DNAJC1: variants seen among roughly 807,000 people sequenced by gnomAD.
DNAJC1 encodes the protein dnaJ homolog subfamily C member 1.
Under a neutral mutation model 76.6 loss-of-function variants are expected in DNAJC1, and 58 were observed. That is an observed-to-expected ratio of 0.76 (90% CI 0.61 to 0.94). The LOEUF (loss-of-function observed/expected upper bound fraction) is 0.94. Among genes scored for constraint, DNAJC1 ranks in the 40% least tolerant of loss-of-function variants. The pLI is 0.00. For missense variants in DNAJC1, 689 were observed against 677.3 expected, an observed-to-expected ratio of 1.02 and a Z score of -0.19; for synonymous variants, 258 against 267.9, an observed-to-expected ratio of 0.96 and a Z score of 0.36.
chr10:21,779,366 T>A (rs542569105), intron 9 of DNAJC1, among the ~76,000 whole-genome samples: 4 of 152,134 alleles, frequency 2.6e-5, no homozygotes, highest in African/African-American at 9.6e-5. Context: ...AACTGACACC[T>A]CACACGGCCA....
At chr10:21,957,434 T>C (rs962635561) in intron 1 of DNAJC1, among the ~76,000 whole-genome samples, 1 of 152,186 alleles carries the variant, frequency 6.6e-6, no homozygotes, top group African/African-American at 2.4e-5. Context: ...TTTGTCAGTA[T>C]ATATAAAAGT....
chr10:22,002,134 C>T (rs950197742), intron 1 of DNAJC1, among the ~76,000 whole-genome samples: 2 of 152,140 alleles, frequency 1.3e-5, no homozygotes, highest in African/African-American at 4.8e-5. Context: ...ATAGTTCACC[C>T]ACATTTATGA....
intron 8 of DNAJC1, among the ~76,000 whole-genome samples, chr10:21,809,108 C>T (rs1834925363): frequency 1.3e-5 from 2 of 152,028 alleles, no homozygotes; most frequent in Non-Finnish European, 2.9e-5. Context: ...GATTTGGTGT[C>T]TCTGAAAATC....
intron 3 of DNAJC1, among the ~76,000 whole-genome samples, chr10:21,925,138 A>G (rs993761401): frequency 3.0e-4 from 45 of 152,058 alleles, no homozygotes; most frequent in Admixed American, 2.0e-4. Context: ...CAGCCACCCA[A>G]GTAGTTGGGA....
chr10:21,984,143 T>G (rs1252912142), intron 1 of DNAJC1, among the ~76,000 whole-genome samples: 1 of 152,216 alleles, frequency 6.6e-6, no homozygotes, highest in Non-Finnish European at 1.5e-5. Flanking sequence ...AAATTTACTT[T>G]TTCTTTGCTT....
chr10:21,951,410 T>C (rs564167915), intron 1 of DNAJC1, among the ~76,000 whole-genome samples: 15 of 151,992 alleles, frequency 9.9e-5, no homozygotes, highest in Non-Finnish European at 2.1e-4. Context: ...GAAAACTTAA[T>C]CTGGCAACCT....
chr10:21,796,824 T>G (rs894168480), intron 9 of DNAJC1, among the ~76,000 whole-genome samples: 1 of 152,218 alleles, frequency 6.6e-6, no homozygotes, highest in African/African-American at 2.4e-5. Flanking sequence ...TTGTAGGAGT[T>G]CCTTACATAT....
At chr10:21,932,520 T>C (rs1223752915) in intron 1 of DNAJC1, among the ~76,000 whole-genome samples, 2 of 152,248 alleles carry the variant, frequency 1.3e-5, no homozygotes, top group Admixed American at 1.3e-4. Context: ...TCTAAAAACC[T>C]GTCAAAATTT....
chr10:21,765,633 T>TC (rs1406381790), intron 10 of DNAJC1, among the ~76,000 whole-genome samples: 5 of 151,938 alleles, frequency 3.3e-5, no homozygotes, highest in Non-Finnish European at 7.4e-5. Context: ...GATCAAGAGG[T>TC]CAGGAGTTCA....
intron 9 of DNAJC1, among the ~76,000 whole-genome samples, chr10:21,775,119 G>A (rs1834437548): frequency 4.6e-5 from 7 of 152,066 alleles, no homozygotes; most frequent in African/African-American, 7.2e-5. Flanking sequence ...TAATGGAAAC[G>A]ATGTGATGTC....
At chr10:21,973,746 A>G (rs1838019016) in intron 1 of DNAJC1, among the ~76,000 whole-genome samples, 1 of 152,138 alleles carries the variant, frequency 6.6e-6, no homozygotes, top group Non-Finnish European at 1.5e-5. Flanking sequence ...TTAAAAAAAA[A>G]AAAGAAAAAA....
At chr10:21,972,403 T>C (rs1362105811) in intron 1 of DNAJC1, among the ~76,000 whole-genome samples, 1 of 151,990 alleles carries the variant, frequency 6.6e-6, no homozygotes, top group Non-Finnish European at 1.5e-5. Context: ...AAGTGATATA[T>C]AATCTATAAA....
intron 8 of DNAJC1, among the ~76,000 whole-genome samples, chr10:21,849,865 A>C (rs962560920): frequency 1.3e-4 from 20 of 152,146 alleles, no homozygotes; most frequent in Admixed American, 1.1e-3. Context: ...GGAAAAAAAA[A>C]CCACACATGA....
intron 8 of DNAJC1, among the ~76,000 whole-genome samples, chr10:21,848,900 G>T (rs1385954876): frequency 6.6e-6 from 1 of 151,864 alleles, no homozygotes; most frequent in Admixed American, 6.6e-5. Context: ...AAATCAAAAG[G>T]GAAATTTGAA....
At chr10:21,863,535 T>C (rs1044319477) in intron 8 of DNAJC1, among the ~76,000 whole-genome samples, 1 of 151,770 alleles carries the variant, frequency 6.6e-6, no homozygotes, top group South Asian at 2.1e-4. Context: ...ATAAAAAAAA[T>C]AGACAAAAAT....
At chr10:21,968,813 A>AT (rs1837930503) in intron 1 of DNAJC1, among the ~76,000 whole-genome samples, 5 of 152,136 alleles carry the variant, frequency 3.3e-5, no homozygotes. Flanking sequence ...CCCAGCCAAC[A>AT]TATCTTGAAA....
Position 21,759,244 on chromosome 10 carries a change from C to T in DNAJC1, c.1522G>A (p.Ala508Thr). Residue 508 changes from alanine (A) to threonine (T), a missense_variant, in exon 11 of 12, where the codon GCG becomes ACG. Transcript: ENST00000376980. ...GATCCCCTTGGGTACTGCTGCAACGCCAGTTCCAGAAGTTTCTGTTGATTT... is the reference window on the plus strand; with the variant it reads ...GATCCCCTTGGGTACTGCTGCAACGTCAGTTCCAGAAGTTTCTGTTGATTT... ...TQNQQKLLEL[A>T]LQQYPRGSSD... The T allele has an allele frequency of 6.2e-7, 1 of 1,614,224 alleles. No individual in the cohort carries two copies. Among genetic ancestry groups the T allele is most frequent in the Non-Finnish European group, 8.5e-7 (1 of 1,180,044 alleles).
chr10:21,927,596 T>A (rs550050297), intron 3 of DNAJC1, among the ~76,000 whole-genome samples: 68 of 152,254 alleles, frequency 4.5e-4, no homozygotes, highest in African/African-American at 1.4e-3. Context: ...CCAACATTTT[T>A]AAAAAATAAA....
At chr10:21,928,101 G>A (rs1291432597) in intron 3 of DNAJC1, among the ~76,000 whole-genome samples, 2 of 152,150 alleles carry the variant, frequency 1.3e-5, no homozygotes, top group African/African-American at 4.8e-5. Flanking sequence ...TATCACTACA[G>A]TCTAATTCAA....
Sources: allele counts gnomAD v4.1 joint callset (sites outside exome capture counted in the v4.1 genomes callset), GRCh38; gene constraint gnomAD v4.1.1; transcripts MANE v1.5; gene names NCBI Gene and HGNC (gene_info 2026-07-23, HGNC 2026-07-21).